ZNF385D: variants seen among roughly 807,000 people sequenced by gnomAD.
ZNF385D encodes zinc finger protein 659.
A neutral mutation model predicts 35.8 loss-of-function variants in ZNF385D; 15 were observed. The ratio of observed to expected loss-of-function variants is 0.42; its 90% CI spans 0.28 to 0.64. The LOEUF is 0.64. Ranked by LOEUF, ZNF385D falls within the 30% of genes least tolerant of loss-of-function variation. The pLI, the probability that ZNF385D is intolerant of heterozygous loss-of-function variation, is 0.23. For synonymous variants in ZNF385D, 212 were observed against 186.8 expected (o/e 1.13, Z -1.10); for missense variants, 474 against 494.6 (o/e 0.96, Z 0.39).
Position 21,712,278 on chromosome 3 carries a change from T to C in ZNF385D, c.22+38617A>G, listed in dbSNP as rs563490884. Reference sequence around the variant, plus strand: ...CACGTCTACTTCTAAGCCATCACAGTAGGAATCTGAGACCCATGTTACAGA... The same window carrying C: ...CACGTCTACTTCTAAGCCATCACAGCAGGAATCTGAGACCCATGTTACAGA... On this transcript the variant is annotated intron_variant, in intron 1 of 7. Coordinates refer to ENST00000281523, the MANE Select transcript of ZNF385D (RefSeq NM_024697.3). Among the ~76,000 whole-genome samples the C allele has an allele frequency of 5.3e-5, 8 of 152,310 alleles. No individual in the cohort carries two copies. The East Asian group carries it at 1.5e-3, about 29-fold the overall frequency.
chr3:22,155,715 A>C (rs1527630), intron 3 of ZNF385D, among the ~76,000 whole-genome samples: 65,342 of 151,874 alleles, frequency 0.43, 14,980 homozygotes, highest in East Asian at 0.85. Flanking sequence ...TTCTGCCATA[A>C]AAATTGGATT....
chr3:21,793,472 C>A (rs2072013584), intron 3 of ZNF385D, among the ~76,000 whole-genome samples: 1 of 152,174 alleles, frequency 6.6e-6, no homozygotes, highest in South Asian at 2.1e-4. Context: ...TGAACTAGAC[C>A]TAGTGAATTA....
In ZNF385D at chr3:22,005,730, A is replaced by G. The variant is rs564060796; in HGVS notation, c.325+163087T>C. Among the ~76,000 whole-genome samples the G allele has an allele frequency of 2.0e-5, 3 of 152,222 alleles. No homozygotes were observed. The South Asian group carries it at 6.2e-4, about 32-fold the overall frequency. On this transcript the variant is annotated intron_variant, in intron 3 of 5. Transcript: ENST00000494108. ...AAGCTTCCCTTTGAAAATAAAACAT[A>G]GTAAAGGAAGGATCCATTACACAAC...
chr3:21,693,076 G>A (rs2067337955), intron 1 of ZNF385D, among the ~76,000 whole-genome samples: 2 of 152,112 alleles, frequency 1.3e-5, no homozygotes, highest in African/African-American at 4.8e-5. Context: ...TTTGTACCCA[G>A]AGAACTCCTT....
chr3:21,606,083 C>T (rs1003053877), intron 2 of ZNF385D, among the ~76,000 whole-genome samples: 7 of 152,138 alleles, frequency 4.6e-5, no homozygotes, highest in African/African-American at 7.2e-5. Flanking sequence ...CTGACTTCTG[C>T]GGCACAAATA....
intron 3 of ZNF385D, among the ~76,000 whole-genome samples, chr3:21,896,558 C>A (rs1198623203): frequency 6.6e-6 from 1 of 152,036 alleles, no homozygotes; most frequent in Non-Finnish European, 1.5e-5. Flanking sequence ...TTTTTATGAA[C>A]AGGGCAGCAC....
intron 3 of ZNF385D, among the ~76,000 whole-genome samples, chr3:22,016,629 A>T (rs1179127153): frequency 1.3e-5 from 2 of 152,016 alleles, no homozygotes; most frequent in African/African-American, 4.8e-5. Flanking sequence ...CTAGAACAAA[A>T]GTTTGTGTTT....
chr3:21,679,985 G>A lies in ZNF385D; in HGVS notation c.23-14957C>T, dbSNP rs932896092. 3.5e-4 allele frequency among the ~76,000 whole-genome samples: 54 copies of A among 152,222 alleles called. 1 individual carries two copies. The highest frequency in any genetic ancestry group is 1.3e-3 in the African/African-American group (52 of 41,536). ...ATTGTATGAGAGAGACTCGCTCAGT[G>A]CCTAATACGTGGTAAGGACTCAAAA... On this transcript the variant is annotated intron_variant, in intron 1 of 7. Coordinates refer to ENST00000281523, the MANE Select transcript of ZNF385D (RefSeq NM_024697.3).
At chr3:22,269,915 C>A (rs1026033721) in intron 2 of ZNF385D, among the ~76,000 whole-genome samples, 1 of 151,752 alleles carries the variant, frequency 6.6e-6, no homozygotes. Context: ...GCTATTTTAT[C>A]CTGTGCTGAT....
At chr3:21,458,736 C>G (rs1417784513) in intron 4 of ZNF385D, among the ~76,000 whole-genome samples, 2 of 146,204 alleles carry the variant, frequency 1.4e-5, no homozygotes, top group African/African-American at 5.1e-5. Flanking sequence ...TAGGAAATAT[C>G]CAGCATAGGC....
intron 3 of ZNF385D, among the ~76,000 whole-genome samples, chr3:22,076,930 T>C (rs1700493885): frequency 1.3e-5 from 2 of 151,998 alleles, no homozygotes; most frequent in South Asian, 2.1e-4. Context: ...AAAAAAACAC[T>C]CATCTACCTC....
chr3:22,133,275 C>A (rs993156752), intron 3 of ZNF385D, among the ~76,000 whole-genome samples: 1 of 151,924 alleles, frequency 6.6e-6, no homozygotes, highest in Non-Finnish European at 1.5e-5. Context: ...TCCTTAATAT[C>A]CTTCTTAATA....
intron 3 of ZNF385D, among the ~76,000 whole-genome samples, chr3:21,543,967 T>TA (rs1349471034): frequency 6.6e-6 from 1 of 152,166 alleles, no homozygotes; most frequent in African/African-American, 2.4e-5. Context: ...CCCTGTTTCT[T>TA]AAAGGACCCC....
chr3:22,083,977 A>G (rs1576289949), intron 3 of ZNF385D, among the ~76,000 whole-genome samples: 1 of 152,334 alleles, frequency 6.6e-6, no homozygotes, highest in South Asian at 2.1e-4. Context: ...ATATCCAGCC[A>G]AACTAAGCTT....
intron 3 of ZNF385D, among the ~76,000 whole-genome samples, chr3:22,084,791 TCA>T (rs1181018189): frequency 3.3e-5 from 5 of 152,114 alleles, no homozygotes; most frequent in African/African-American, 1.2e-4. Flanking sequence ...CAGCACCACA[TCA>T]CAGTTATTCC....
At position 21,567,614 on chromosome 3, in the gene ZNF385D, A is replaced by T. The variant is rs373254466; in HGVS notation, c.166-2930T>A. Among the ~76,000 whole-genome samples, 108 of 152,242 alleles carry T rather than the reference A, an allele frequency of 7.1e-4. 2 individuals are homozygous for T. The South Asian group carries it at 0.016, about 23-fold the overall frequency. ...AAAGAGGTCATTGACTTACAGGTAG[A>T]TGCCTTATCATGTTCTCTTGTGTAC... On this transcript the variant is annotated intron_variant, in intron 2 of 7. Coordinates refer to ENST00000281523, the MANE Select transcript of ZNF385D (RefSeq NM_024697.3).
At chr3:21,446,791 C>A (rs542293039) in intron 4 of ZNF385D, among the ~76,000 whole-genome samples, 1 of 39,206 alleles carries the variant, frequency 2.6e-5, no homozygotes, top group Non-Finnish European at 5.7e-5. Context: ...CCGTGCCTGG[C>A]CTAAACAAAC....
chr3:22,140,546 G>C (rs947675770), intron 3 of ZNF385D, among the ~76,000 whole-genome samples: 29 of 152,088 alleles, frequency 1.9e-4, no homozygotes, highest in African/African-American at 6.8e-4. Flanking sequence ...ACATGTAAAA[G>C]CTAGTACAAT....
chr3:21,934,367 A>G (rs746413203), intron 3 of ZNF385D, among the ~76,000 whole-genome samples: 5 of 152,204 alleles, frequency 3.3e-5, no homozygotes, highest in Non-Finnish European at 5.9e-5. Flanking sequence ...AATAAAAACA[A>G]TTTGCAAGAA....
Sources: gnomAD v4.1 joint callset for allele counts (sites outside exome capture counted in the v4.1 genomes callset) on GRCh38, gnomAD v4.1.1 for gene constraint, MANE v1.5 for transcripts, NCBI Gene and HGNC (gene_info 2026-07-23, HGNC 2026-07-21) for gene names.